CACNA1C: variants seen among roughly 807,000 people sequenced by gnomAD.
The protein encoded by CACNA1C is voltage-dependent L-type calcium channel subunit alpha-1C.
In CACNA1C, 30 loss-of-function variants were observed where a neutral mutation model predicts 229.0. The observed-to-expected ratio is 0.13, with a 90% CI of 0.10 to 0.18. The LOEUF is 0.18. Ranked by LOEUF, CACNA1C falls within the 10% of genes least tolerant of loss-of-function variation. CACNA1C has a pLI of 1.00. For missense variants in CACNA1C, 1,658 were observed against 2,845.0 expected (o/e 0.58, Z 9.49); for synonymous variants, 1,114 against 1,132.5 (o/e 0.98, Z 0.33).
At chr12:1,987,988 T>C (rs2038292544) in intron 1 of CACNA1C, among the ~76,000 whole-genome samples, 8 of 152,200 alleles carry the variant, frequency 5.3e-5, no homozygotes, top group Admixed American at 3.3e-4. Context: ...TTTTCTTGGA[T>C]ACCATTCCTG....
intron 5 of CACNA1C, among the ~76,000 whole-genome samples, chr12:2,475,163 G>A (rs2099618660): frequency 6.6e-6 from 1 of 152,116 alleles, no homozygotes. Context: ...GCCGGGCGCA[G>A]TAGTGGGCGC....
At chr12:2,532,453 C>G (rs1486753185) in intron 9 of CACNA1C, among the ~76,000 whole-genome samples, 1 of 152,236 alleles carries the variant, frequency 6.6e-6, no homozygotes, top group African/African-American at 2.4e-5. Flanking sequence ...AGTAACAGGC[C>G]ACTGTCTCCT....
chr12:2,295,722 G>A (rs1208130836), intron 3 of CACNA1C, among the ~76,000 whole-genome samples: 3 of 152,238 alleles, frequency 2.0e-5, no homozygotes, highest in African/African-American at 7.2e-5. Flanking sequence ...ATTGAATACA[G>A]CGTAACCAAC....
intron 1 of CACNA1C, among the ~76,000 whole-genome samples, chr12:2,112,319 G>A (rs2082068596): frequency 6.6e-6 from 1 of 152,044 alleles, no homozygotes; most frequent in South Asian, 2.1e-4. Flanking sequence ...TAAGGTCCCG[G>A]CCTTATTGGG....
chr12:2,185,315 G>A (rs776152112), intron 3 of CACNA1C, among the ~76,000 whole-genome samples: 10 of 152,136 alleles, frequency 6.6e-5, no homozygotes, highest in Non-Finnish European at 1.2e-4. Flanking sequence ...TCCCCACCCC[G>A]TCTACTCTCC....
Position 2,597,111 on chromosome 12 carries a change from C to G in CACNA1C, c.2794-119C>G. 1 of 700,416 alleles carries G rather than the reference C, an allele frequency of 1.4e-6. No homozygotes were observed. The highest frequency in any genetic ancestry group is 2.6e-6 in the Non-Finnish European group (1 of 387,262). 43.4% of individuals were successfully genotyped at this position (700,416 alleles called of 1,614,324 possible). ...GTGTCCCTGTGCAAAGGCTTAAGTGCCAGGCATCTCATTTTGAAGTGTGGC... is the reference window on the plus strand; with the variant it reads ...GTGTCCCTGTGCAAAGGCTTAAGTGGCAGGCATCTCATTTTGAAGTGTGGC... On this transcript the variant is annotated intron_variant, in intron 20 of 46. Coordinates refer to ENST00000399655, the MANE Select transcript of CACNA1C (RefSeq NM_000719.7). This position sits in a 1 kb window ranked among gnomAD's most constrained non-coding sequence, Gnocchi z 4.3.
intron 7 of CACNA1C, among the ~76,000 whole-genome samples, chr12:2,494,479 C>T (rs1419454416): frequency 6.6e-6 from 1 of 152,176 alleles, no homozygotes; most frequent in Non-Finnish European, 1.5e-5. Context: ...TTAAAAATAC[C>T]ATCTCCTTCA....
At position 2,152,983 on chromosome 12, in the gene CACNA1C, G is replaced by T. The variant is rs77196101; in HGVS notation, c.477+32553G>T. 0.037 allele frequency among the ~76,000 whole-genome samples: 5,572 copies of T among 152,274 alleles called. 260 individuals carry two copies. Among genetic ancestry groups the T allele is most frequent in the African/African-American group, 0.11 (4,420 of 41,532 alleles). ...AATTGGGAGGTGAAAGCTCAAGGAG[G>T]TAGTTACAAAGCAAAGGAAAACAAA... On this transcript the variant is annotated intron_variant, in intron 3 of 46. Coordinates refer to ENST00000399655, the MANE Select transcript of CACNA1C (RefSeq NM_000719.7). The surrounding 1 kb of genome is among the most constrained non-coding windows in gnomAD (Gnocchi z 4.2).
At position 2,348,743 on chromosome 12, in the gene CACNA1C, G is replaced by T. The variant is rs931894733; in HGVS notation, c.478-100233G>T. 1.3e-5 allele frequency among the ~76,000 whole-genome samples: 2 copies of T among 152,094 alleles called. No individual in the cohort carries two copies. Among genetic ancestry groups the T allele is most frequent in the Non-Finnish European group, 2.9e-5 (2 of 68,010 alleles). On this transcript the variant is annotated intron_variant, in intron 3 of 46. Transcript: ENST00000399655. The surrounding 1 kb of genome is among the most constrained non-coding windows in gnomAD (Gnocchi z 4.7). ...GAGCTGGGAATGTCTCGGGGGAAAGGTTCCTTCCTCGGGAACTGGGTGGCA... is the reference window on the plus strand; with the variant it reads ...GAGCTGGGAATGTCTCGGGGGAAAGTTTCCTTCCTCGGGAACTGGGTGGCA...
At chr12:1,999,097 G>A (rs2041593093) in intron 1 of CACNA1C, among the ~76,000 whole-genome samples, 1 of 152,154 alleles carries the variant, frequency 6.6e-6, no homozygotes, top group Admixed American at 6.5e-5. Context: ...GCGTCACCTG[G>A]GAACTTATTA....
At chr12:2,681,901 G>T (rs770426157) in intron 42 of CACNA1C, 1 of 1,036,946 alleles carries the variant, frequency 9.6e-7, no homozygotes, top group East Asian at 2.3e-5. Flanking sequence ...ACAGGAAAAG[G>T]AAGAGGCCTT....
intron 3 of CACNA1C, among the ~76,000 whole-genome samples, chr12:2,229,636 G>A (rs1330796473): frequency 6.6e-6 from 1 of 152,140 alleles, no homozygotes; most frequent in Non-Finnish European, 1.5e-5. Context: ...GATGAGGGAA[G>A]GCCTCCGCAG....
At chr12:2,081,675 G>A (rs1437286488) in intron 1 of CACNA1C, among the ~76,000 whole-genome samples, 1 of 152,042 alleles carries the variant, frequency 6.6e-6, no homozygotes, top group African/African-American at 2.4e-5. Flanking sequence ...TAATAAAGAA[G>A]CATTAATTTT....
At chr12:2,137,331 C>T (rs2093638537) in intron 3 of CACNA1C, among the ~76,000 whole-genome samples, 1 of 151,216 alleles carries the variant, frequency 6.6e-6, no homozygotes, top group African/African-American at 2.4e-5. Flanking sequence ...GATAATAATT[C>T]CTACCTCACT....
At chr12:2,421,079 T>C (rs1414321750) in intron 3 of CACNA1C, among the ~76,000 whole-genome samples, 3 of 152,232 alleles carry the variant, frequency 2.0e-5, no homozygotes, top group African/African-American at 4.8e-5. Context: ...GACAGTTTCA[T>C]TTGCTGTTAC....
At position 2,354,239 on chromosome 12, in the gene CACNA1C, C is replaced by T. The variant is rs534278788; in HGVS notation, c.478-94737C>T. ...TAGGCTGCCCGAGTCCCTCTGTCCT[C>T]GCACCCTCACCTGGCTCTCTTGCCT... On this transcript the variant is annotated intron_variant, in intron 3 of 46. Transcript: ENST00000399655. This position sits in a 1 kb window ranked among gnomAD's most constrained non-coding sequence, Gnocchi z 4.6. Among the ~76,000 whole-genome samples the T allele has an allele frequency of 4.6e-5, 7 of 152,304 alleles. No homozygotes were observed. Among genetic ancestry groups the T allele is most frequent in the Admixed American group, 1.3e-4 (2 of 15,308 alleles).
chr12:2,545,415 C>T (rs1014528734), intron 9 of CACNA1C, among the ~76,000 whole-genome samples: 2 of 151,548 alleles, frequency 1.3e-5, no homozygotes, highest in African/African-American at 4.9e-5. Flanking sequence ...CCATTATGCT[C>T]CTCATCTTCT....
intron 1 of CACNA1C, among the ~76,000 whole-genome samples, chr12:2,063,333 G>T (rs11838215): frequency 0.037 from 5,603 of 152,138 alleles, 347 homozygotes; most frequent in African/African-American, 0.13. Context: ...TGTATTTTTA[G>T]TAGAGATGGG....
chr12:2,485,069 G>A (rs1048176591), intron 5 of CACNA1C, among the ~76,000 whole-genome samples: 2 of 152,046 alleles, frequency 1.3e-5, no homozygotes, highest in South Asian at 4.2e-4. Flanking sequence ...CAAGCGCGGT[G>A]GATGAATGTG....
Sources: gnomAD v4.1 joint callset for allele counts (sites outside exome capture counted in the v4.1 genomes callset) on GRCh38, gnomAD v4.1.1 for gene constraint, Gnocchi (gnomAD v3.1) non-coding constraint, MANE v1.5 for transcripts, NCBI Gene and HGNC (gene_info 2026-07-23, HGNC 2026-07-21) for gene names.